The following TMTC1 variants were observed in gnomAD, a reference collection of about 807,000 sequenced individuals.
TMTC1 encodes protein O-mannosyl-transferase TMTC1.
Under a neutral mutation model 104.8 loss-of-function variants are expected in TMTC1, and 73 were observed. The observed-to-expected ratio is 0.70, with a 90% CI of 0.58 to 0.85. The LOEUF is 0.85. TMTC1 is among the 40% of genes least tolerant of loss of function. The pLI is 0.00. For synonymous variants in TMTC1, 434 were observed against 428.7 expected, an observed-to-expected ratio of 1.01 and a Z score of -0.15; for missense variants, 1,035 against 1,096.1, an observed-to-expected ratio of 0.94 and a Z score of 0.79.
At chr12:29,551,849 A>T (rs984298719) in intron 10 of TMTC1, among the ~76,000 whole-genome samples, 1 of 151,500 alleles carries the variant, frequency 6.6e-6, no homozygotes, top group African/African-American at 2.4e-5. Context: ...AATATAAATT[A>T]AGAATGCTGG....
Position 29,506,907 on chromosome 12 carries a change from A to C in TMTC1, c.2588T>G (p.Leu863Arg). 1 of 1,614,110 alleles carries C rather than the reference A, an allele frequency of 6.2e-7. No homozygotes were observed. Among genetic ancestry groups the C allele is most frequent in the Non-Finnish European group, 8.5e-7 (1 of 1,179,996 alleles). ...VPDSKLLKEN[L>R]AKLDRLEKRL... ...TTTTTCTAGGCGATCCAATTTGGCA[A>C]GATTTTCCTTCAGCAGTTTGCTGTC... Residue 863 changes from leucine to arginine, a missense_variant, in exon 18 of 18, where the codon CTT becomes CGT. Transcript: ENST00000539277.
chr12:29,569,375 C>T (rs1424399411), intron 9 of TMTC1, among the ~76,000 whole-genome samples: 1 of 152,160 alleles, frequency 6.6e-6, no homozygotes, highest in Non-Finnish European at 1.5e-5. Context: ...TCTATTCAGT[C>T]ATTACAACAG....
intron 5 of TMTC1, among the ~76,000 whole-genome samples, chr12:29,638,931 GC>G (rs1938699119): frequency 6.6e-6 from 1 of 152,172 alleles, no homozygotes; most frequent in African/African-American, 2.4e-5. Context: ...ACCTCACTGG[GC>G]CCCAGCCATG....
At chr12:29,589,920 A>T (rs1273657051) in intron 7 of TMTC1, among the ~76,000 whole-genome samples, 1 of 152,236 alleles carries the variant, frequency 6.6e-6, no homozygotes, top group Non-Finnish European at 1.5e-5. Flanking sequence ...AGCTTAAAAG[A>T]GTTGAGTAAC....
intron 7 of TMTC1, among the ~76,000 whole-genome samples, chr12:29,603,115 A>C (rs184547801): frequency 6.6e-6 from 1 of 152,276 alleles, no homozygotes; most frequent in Non-Finnish European, 1.5e-5. Flanking sequence ...GTATTTATCA[A>C]GCACTCATCT....
chr12:29,702,752 G>T (rs999657525), intron 5 of TMTC1, among the ~76,000 whole-genome samples: 1 of 152,142 alleles, frequency 6.6e-6, no homozygotes, highest in African/African-American at 2.4e-5. Context: ...TTTCAGAGTT[G>T]TTTTCCTCAA....
intron 9 of TMTC1, among the ~76,000 whole-genome samples, chr12:29,569,202 C>T (rs1409526230): frequency 6.6e-6 from 1 of 152,072 alleles, no homozygotes; most frequent in Non-Finnish European, 1.5e-5. Flanking sequence ...AAGTCAGTGA[C>T]TTCTGCATTA....
intron 5 of TMTC1, among the ~76,000 whole-genome samples, chr12:29,650,290 A>G (rs565156109): frequency 1.3e-5 from 2 of 151,856 alleles, no homozygotes; most frequent in African/African-American, 4.8e-5. Flanking sequence ...TCACCATGTT[A>G]GCCAGGCTGG....
At chr12:29,702,124 C>G (rs926603842) in intron 5 of TMTC1, among the ~76,000 whole-genome samples, 7 of 152,152 alleles carry the variant, frequency 4.6e-5, no homozygotes, top group Admixed American at 3.3e-4. Context: ...AAACTATGGA[C>G]TGATTAATAA....
intron 8 of TMTC1, among the ~76,000 whole-genome samples, chr12:29,583,194 T>G (rs1023267670): frequency 3.9e-5 from 6 of 152,208 alleles, no homozygotes; most frequent in Non-Finnish European, 5.9e-5. Flanking sequence ...TTTCATAAAT[T>G]CACTTAGAAA....
intron 5 of TMTC1, among the ~76,000 whole-genome samples, chr12:29,686,991 A>C (rs1208703490): frequency 1.3e-5 from 2 of 152,162 alleles, no homozygotes; most frequent in African/African-American, 4.8e-5. Flanking sequence ...TTATTAAAAA[A>C]ATGAGTGAAA....
chr12:29,548,037 A>C (rs1944986175), intron 10 of TMTC1, among the ~76,000 whole-genome samples: 1 of 152,216 alleles, frequency 6.6e-6, no homozygotes, highest in South Asian at 2.1e-4. Flanking sequence ...CCAGGCGCTA[A>C]CCATTCTTCT....
intron 9 of TMTC1, among the ~76,000 whole-genome samples, chr12:29,561,809 C>T (rs1945385223): frequency 1.3e-5 from 2 of 152,166 alleles, no homozygotes; most frequent in South Asian, 4.1e-4. Flanking sequence ...AATACACACC[C>T]TGATTTATTT....
chr12:29,539,091 T>C (rs1944723081), intron 10 of TMTC1, among the ~76,000 whole-genome samples: 1 of 152,176 alleles, frequency 6.6e-6, no homozygotes, highest in South Asian at 2.1e-4. Flanking sequence ...TCTTCTATAG[T>C]CTCTCTTGCT....
intron 5 of TMTC1, among the ~76,000 whole-genome samples, chr12:29,702,522 G>A (rs1941623978): frequency 6.6e-6 from 1 of 152,198 alleles, no homozygotes; most frequent in Non-Finnish European, 1.5e-5. Flanking sequence ...CTCAGAGAAA[G>A]TGAGCGAGCA....
At chr12:29,571,362 A>G (rs553791777) in intron 9 of TMTC1, among the ~76,000 whole-genome samples, 14 of 152,066 alleles carry the variant, frequency 9.2e-5, no homozygotes, top group Admixed American at 2.0e-4. Flanking sequence ...GCTGCAATTC[A>G]AAAGAGTACC....
intron 7 of TMTC1, among the ~76,000 whole-genome samples, chr12:29,591,064 T>A (rs1347242176): frequency 6.6e-6 from 1 of 152,216 alleles, no homozygotes; most frequent in Non-Finnish European, 1.5e-5. Flanking sequence ...TTAAATCAAA[T>A]ATCCTTATTA....
intron 17 of TMTC1, among the ~76,000 whole-genome samples, chr12:29,510,818 T>A (rs540789274): frequency 5.4e-4 from 82 of 152,278 alleles, no homozygotes; most frequent in African/African-American, 2.0e-3. Flanking sequence ...CTGCTCAAAG[T>A]CCTCCAAAAA....
At chr12:29,631,962 G>A (rs1043184324) in intron 6 of TMTC1, among the ~76,000 whole-genome samples, 3 of 152,170 alleles carry the variant, frequency 2.0e-5, no homozygotes, top group Non-Finnish European at 4.4e-5. Context: ...TGCACGCATT[G>A]AAGAATGGAT....
Sources: gnomAD v4.1 joint callset for allele counts (sites outside exome capture counted in the v4.1 genomes callset) on GRCh38, gnomAD v4.1.1 for gene constraint, MANE v1.5 for transcripts, NCBI Gene and HGNC (gene_info 2026-07-23, HGNC 2026-07-21) for gene names.